NKAIN2: variants seen among roughly 807,000 people sequenced by gnomAD.
NKAIN2 encodes sodium/potassium-transporting ATPase subunit beta-1-interacting protein 2.
In NKAIN2, 14 loss-of-function variants were observed where a neutral mutation model predicts 32.6. The ratio of observed to expected loss-of-function variants is 0.43; its 90% CI spans 0.28 to 0.67. The LOEUF (loss-of-function observed/expected upper bound fraction) is 0.67, where lower values mean the gene tolerates loss of function less well. NKAIN2 is among the 30% of genes least tolerant of loss of function. NKAIN2 has a pLI of 0.17. For synonymous variants in NKAIN2, 80 were observed against 87.2 expected, an observed-to-expected ratio of 0.92 and a Z score of 0.46; for missense variants, 198 against 258.3, an observed-to-expected ratio of 0.77 and a Z score of 1.60.
chr6:123,931,050 T>A (rs966231748), intron 1 of NKAIN2, among the ~76,000 whole-genome samples: 1 of 152,096 alleles, frequency 6.6e-6, no homozygotes, highest in African/African-American at 2.4e-5. Context: ...TGCAAATACA[T>A]GGAGTCAGTC....
At chr6:124,087,962 A>T (rs1784257468) in intron 1 of NKAIN2, among the ~76,000 whole-genome samples, 2 of 152,024 alleles carry the variant, frequency 1.3e-5, no homozygotes, top group Non-Finnish European at 2.9e-5. Context: ...TGTGTAGCTT[A>T]AGGATTTACT....
intron 3 of NKAIN2, among the ~76,000 whole-genome samples, chr6:124,536,011 G>T (rs944371157): frequency 6.6e-6 from 1 of 152,204 alleles, no homozygotes; most frequent in Non-Finnish European, 1.5e-5. Flanking sequence ...GCCATGGCAG[G>T]TCAGAGAGCA....
chr6:124,105,950 T>C (rs1785100191), intron 1 of NKAIN2, among the ~76,000 whole-genome samples: 1 of 152,194 alleles, frequency 6.6e-6, no homozygotes, highest in Non-Finnish European at 1.5e-5. Flanking sequence ...TAAATCACTA[T>C]TTTATACATG....
intron 1 of NKAIN2, among the ~76,000 whole-genome samples, chr6:123,882,591 TG>T (rs1773503595): frequency 6.6e-6 from 1 of 152,196 alleles, no homozygotes; most frequent in African/African-American, 2.4e-5. Context: ...TGTGTATGTT[TG>T]GGGGACATTT....
chr6:124,119,591 G>T (rs964280064), intron 1 of NKAIN2, among the ~76,000 whole-genome samples: 1 of 152,152 alleles, frequency 6.6e-6, no homozygotes, highest in Non-Finnish European at 1.5e-5. Context: ...ACTCACAGAC[G>T]TATTTGCTTT....
chr6:124,405,232 AT>A (rs1277524366), intron 3 of NKAIN2, among the ~76,000 whole-genome samples: 2 of 152,196 alleles, frequency 1.3e-5, no homozygotes, highest in African/African-American at 4.8e-5. Flanking sequence ...TAAGCCTAAA[AT>A]TTTGCAAAAT....
At chr6:124,451,338 C>T (rs1776099708) in intron 3 of NKAIN2, among the ~76,000 whole-genome samples, 1 of 151,990 alleles carries the variant, frequency 6.6e-6, no homozygotes, top group Admixed American at 6.6e-5. Context: ...ACTAATATAT[C>T]CACAGGGTTG....
chr6:124,058,279 A>G (rs1160643811), intron 1 of NKAIN2, among the ~76,000 whole-genome samples: 3 of 151,776 alleles, frequency 2.0e-5, no homozygotes, highest in Admixed American at 6.6e-5. Flanking sequence ...AAGCTTATAG[A>G]AAAAGCAAGA....
chr6:124,411,037 G>C (rs1774147385), intron 3 of NKAIN2, among the ~76,000 whole-genome samples: 1 of 151,456 alleles, frequency 6.6e-6, no homozygotes, highest in African/African-American at 2.4e-5. Context: ...TTGCTTGGTA[G>C]ATCTTCCTCC....
At chr6:124,607,211 T>G (rs1782534330) in intron 3 of NKAIN2, among the ~76,000 whole-genome samples, 1 of 152,194 alleles carries the variant, frequency 6.6e-6, no homozygotes, top group African/African-American at 2.4e-5. Flanking sequence ...TTTTAAATAC[T>G]AATAAAGTGT....
At chr6:124,715,657 C>T (rs1775719407) in intron 4 of NKAIN2, among the ~76,000 whole-genome samples, 1 of 152,198 alleles carries the variant, frequency 6.6e-6, no homozygotes, top group Non-Finnish European at 1.5e-5. Flanking sequence ...ACATTGCTAG[C>T]AGCTGCAGAA....
chr6:123,976,559 G>C (rs1562288018), intron 1 of NKAIN2, among the ~76,000 whole-genome samples: 1 of 151,052 alleles, frequency 6.6e-6, no homozygotes, highest in Non-Finnish European at 1.5e-5. Context: ...TCTTGATTTG[G>C]AAGGCCAGCA....
At chr6:123,921,290 A>G (rs538247046) in intron 1 of NKAIN2, among the ~76,000 whole-genome samples, 1 of 152,212 alleles carries the variant, frequency 6.6e-6, no homozygotes, top group Non-Finnish European at 1.5e-5. Flanking sequence ...GTTGTCGAAC[A>G]ATTATAATTT....
At chr6:124,628,305 A>T (rs1203543961) in intron 3 of NKAIN2, among the ~76,000 whole-genome samples, 1 of 152,092 alleles carries the variant, frequency 6.6e-6, no homozygotes, top group Non-Finnish European at 1.5e-5. Context: ...TTGTAGATAT[A>T]TTCTACCCTA....
intron 3 of NKAIN2, among the ~76,000 whole-genome samples, chr6:124,360,162 G>A (rs970947279): frequency 1.3e-5 from 2 of 152,256 alleles, no homozygotes; most frequent in Admixed American, 6.5e-5. Context: ...ATGTGCTGCT[G>A]GATTCAGTTT....
chr6:123,999,185 G>A (rs1005163076), intron 1 of NKAIN2, among the ~76,000 whole-genome samples: 1 of 152,080 alleles, frequency 6.6e-6, no homozygotes, highest in Non-Finnish European at 1.5e-5. Context: ...GGTATAAGGT[G>A]TATGCTTTGG....
intron 3 of NKAIN2, among the ~76,000 whole-genome samples, chr6:124,430,593 C>G (rs1244084119): frequency 1.3e-5 from 2 of 152,044 alleles, no homozygotes; most frequent in Non-Finnish European, 2.9e-5. Flanking sequence ...TACAGTATCT[C>G]CATGTGGTTT....
chr6:124,413,386 G>T (rs1356444875), intron 3 of NKAIN2, among the ~76,000 whole-genome samples: 1 of 152,142 alleles, frequency 6.6e-6, no homozygotes, highest in African/African-American at 2.4e-5. Context: ...AAAGTCCATT[G>T]TCTATATATG....
intron 1 of NKAIN2, among the ~76,000 whole-genome samples, chr6:124,026,761 TAAAAC>T: frequency 6.6e-6 from 1 of 152,300 alleles, no homozygotes; most frequent in South Asian, 2.1e-4. Flanking sequence ...ATTCTCATCT[TAAAAC>T]AAAACCGAAA....
Sources: gnomAD v4.1 joint callset for allele counts (sites outside exome capture counted in the v4.1 genomes callset) on GRCh38, gnomAD v4.1.1 for gene constraint, MANE v1.5 for transcripts, NCBI Gene and HGNC (gene_info 2026-07-23, HGNC 2026-07-21) for gene names.